Variants in ERICH3 observed in about 807,000 individuals in gnomAD.
The protein encoded by ERICH3 is glutamate rich 3, also known as glutamate-rich protein 3.
In ERICH3, 126 loss-of-function variants were observed where a neutral mutation model predicts 131.1. The ratio of observed to expected loss-of-function variants is 0.96; its 90% CI spans 0.83 to 1.11. ERICH3 has a LOEUF of 1.11. Ranked by LOEUF, ERICH3 falls within the 50% of genes most tolerant of loss-of-function variation. The pLI is 0.00. For missense variants in ERICH3, 2,050 were observed against 1,810.7 expected, an observed-to-expected ratio of 1.13 and a Z score of -2.40; for synonymous variants, 695 against 644.6, an observed-to-expected ratio of 1.08 and a Z score of -1.18.
At chr1:74,577,133 C>G (rs531271141) in intron 12 of ERICH3, 197 bp from the exon 13 acceptor site, 2 of 498,774 alleles carry the variant, frequency 4.0e-6, no homozygotes, top group African/African-American at 1.9e-5. Context: ...TTTATTTAAT[C>G]CTAGACATCA....
chr1:74,626,465 C>T (rs1649419661), intron 7 of ERICH3, among the ~76,000 whole-genome samples: 1 of 152,084 alleles, frequency 6.6e-6, no homozygotes, highest in African/African-American at 2.4e-5. Flanking sequence ...ACTTTTTGCC[C>T]TCTCTTTCAA....
chr1:74,613,950 G>A (rs537552242), intron 8 of ERICH3, among the ~76,000 whole-genome samples: 1 of 152,246 alleles, frequency 6.6e-6, no homozygotes, highest in Admixed American at 6.5e-5. Flanking sequence ...TCTCTACTAT[G>A]TACGCATTTC....
intron 13 of ERICH3, among the ~76,000 whole-genome samples, chr1:74,574,896 AT>A (rs1386303676): frequency 1.3e-5 from 2 of 152,106 alleles, no homozygotes; most frequent in Non-Finnish European, 2.9e-5. Context: ...CATCTTAATA[AT>A]TTATATCAAT....
intron 1 of ERICH3, among the ~76,000 whole-genome samples, chr1:74,660,562 TA>T (rs1468575241): frequency 6.7e-6 from 1 of 149,506 alleles, no homozygotes; most frequent in Non-Finnish European, 1.5e-5. Context: ...GAAGGCTCAA[TA>T]TACATGTGTG....
chr1:74,638,500 A>G (rs1485790939), intron 5 of ERICH3, among the ~76,000 whole-genome samples: 1 of 152,266 alleles, frequency 6.6e-6, no homozygotes, highest in Non-Finnish European at 1.5e-5. Flanking sequence ...AAGAAAGTGG[A>G]TAAGCAGAGA....
At chr1:74,658,906 A>G (rs908580183) in intron 1 of ERICH3, among the ~76,000 whole-genome samples, 1 of 152,210 alleles carries the variant, frequency 6.6e-6, no homozygotes, top group Non-Finnish European at 1.5e-5. Context: ...ATTTCTGTTA[A>G]GCATTAGTAT....
chr1:74,620,195 A>G (rs1047887370), intron 8 of ERICH3, among the ~76,000 whole-genome samples: 2 of 152,232 alleles, frequency 1.3e-5, no homozygotes, highest in Non-Finnish European at 2.9e-5. Context: ...TACATTGCAT[A>G]TAAACATTAT....
chr1:74,667,836 C>T (rs1557707300), intron 1 of ERICH3, among the ~76,000 whole-genome samples: 4 of 152,114 alleles, frequency 2.6e-5, no homozygotes, highest in Admixed American at 6.5e-5. Context: ...CCACCCAAAT[C>T]TCATCTTCAA....
chr1:74,581,360 G>A (rs1432820499), intron 12 of ERICH3, among the ~76,000 whole-genome samples: 3 of 151,886 alleles, frequency 2.0e-5, no homozygotes, highest in Non-Finnish European at 2.9e-5. Context: ...TCTCCATTGC[G>A]GTTTATTACT....
At chr1:74,599,349 T>C (rs1648007979) in intron 11 of ERICH3, among the ~76,000 whole-genome samples, 1 of 151,884 alleles carries the variant, frequency 6.6e-6, no homozygotes. Context: ...AATTACCTCA[T>C]ACTGTCATGA....
intron 1 of ERICH3, among the ~76,000 whole-genome samples, chr1:74,671,097 G>C (rs1006322826): frequency 6.6e-6 from 1 of 152,122 alleles, no homozygotes; most frequent in African/African-American, 2.4e-5. Context: ...TGTTTAAGAC[G>C]TTTATCAAGA....
In ERICH3 at chr1:74,573,049, C is replaced by T. The variant is rs914638032; in HGVS notation, c.2661G>A (p.Glu887=). 4.3e-6 allele frequency: 7 copies of T among 1,614,192 alleles called. No individual in the cohort carries two copies. Among genetic ancestry groups the T allele is most frequent in the Non-Finnish European group, 5.1e-6 (6 of 1,180,028 alleles). The change falls in exon 14 of 15, where the codon GAG becomes GAA. Residue 887 remains glutamate (E), a synonymous_variant. Coordinates refer to ENST00000326665, the MANE Select transcript of ERICH3 (RefSeq NM_001002912.5). ...CCCCTTCAGAAGCTGCTTTGTCTGT[C>T]TCAAGCACTGTGAGCATCAAGGCTT... The part of the protein sequence containing the change: ...EKQALMLTVL[E]TDKAASEGEQ...
At chr1:74,656,658 C>A (rs1646587741) in intron 1 of ERICH3, among the ~76,000 whole-genome samples, 1 of 152,170 alleles carries the variant, frequency 6.6e-6, no homozygotes, top group South Asian at 2.1e-4. Context: ...TTGCTTAAAG[C>A]TTCATCATTT....
chr1:74,614,596 G>C (rs1195156241), intron 8 of ERICH3, among the ~76,000 whole-genome samples: 1 of 150,740 alleles, frequency 6.6e-6, no homozygotes, highest in African/African-American at 2.4e-5. Context: ...AGAATGGCGT[G>C]AACCCGGGAG....
intron 4 of ERICH3, 25 bp downstream of exon 4, chr1:74,643,002 A>G (rs764223419): frequency 1.3e-6 from 2 of 1,510,820 alleles, no homozygotes; most frequent in South Asian, 2.3e-5. Context: ...ACTATGAAGT[A>G]AAAGAGAGTT....
chr1:74,619,705 G>A (rs1349274737), intron 8 of ERICH3, among the ~76,000 whole-genome samples: 1 of 152,112 alleles, frequency 6.6e-6, no homozygotes, highest in Non-Finnish European at 1.5e-5. Flanking sequence ...GAATGCTACA[G>A]CAAAATAAAC....
chr1:74,644,213 A>G (rs553025650), intron 3 of ERICH3, among the ~76,000 whole-genome samples: 2 of 151,668 alleles, frequency 1.3e-5, no homozygotes, highest in South Asian at 2.1e-4. Flanking sequence ...TCTTCTTAAC[A>G]CTTCCCTTTC....
intron 1 of ERICH3, among the ~76,000 whole-genome samples, chr1:74,671,309 CT>C (rs1646740948): frequency 1.3e-5 from 2 of 151,924 alleles, no homozygotes; most frequent in South Asian, 2.1e-4. Flanking sequence ...TGCTTTTGCC[CT>C]TTGTCCTGTT....
intron 13 of ERICH3, among the ~76,000 whole-genome samples, chr1:74,575,302 T>C (rs556868606): frequency 1.1e-3 from 163 of 152,360 alleles, no homozygotes; most frequent in African/African-American, 3.8e-3. Context: ...AAAATGTGTT[T>C]GGAAGGTAAT....
Sources: allele counts gnomAD v4.1 joint callset (sites outside exome capture counted in the v4.1 genomes callset), GRCh38; gene constraint gnomAD v4.1.1; transcripts MANE v1.5; gene names NCBI Gene and HGNC (gene_info 2026-07-23, HGNC 2026-07-21).